The following ADAMTS17 variants were observed in gnomAD, a reference collection of about 807,000 sequenced individuals.
The protein encoded by ADAMTS17 is ADAM metallopeptidase with thrombospondin type 1 motif 17.
A neutral mutation model predicts 141.5 loss-of-function variants in ADAMTS17; 113 were observed. That is an observed-to-expected ratio of 0.80 (90% CI 0.69 to 0.93). ADAMTS17 has a LOEUF of 0.93. ADAMTS17 is among the 40% of genes least tolerant of loss of function. The pLI is 0.00. For missense variants in ADAMTS17, 1,659 were observed against 1,517.9 expected, an observed-to-expected ratio of 1.09 and a Z score of -1.54; for synonymous variants, 768 against 630.6, an observed-to-expected ratio of 1.22 and a Z score of -3.27.
At chr15:100,055,056 G>A (rs1180908267) in intron 15 of ADAMTS17, among the ~76,000 whole-genome samples, 1 of 152,070 alleles carries the variant, frequency 6.6e-6, no homozygotes, top group Non-Finnish European at 1.5e-5. Flanking sequence ...GGAGAAGTCG[G>A]CAGATGACAA....
At chr15:100,329,891 T>C (rs2045998695) in intron 3 of ADAMTS17, among the ~76,000 whole-genome samples, 1 of 152,238 alleles carries the variant, frequency 6.6e-6, no homozygotes, top group Non-Finnish European at 1.5e-5. Flanking sequence ...ACATAATTTA[T>C]TCCCAATGTC....
chr15:100,127,695 C>T (rs559888107), intron 12 of ADAMTS17, among the ~76,000 whole-genome samples: 1 of 152,208 alleles, frequency 6.6e-6, no homozygotes, highest in African/African-American at 2.4e-5. Flanking sequence ...GATTCTCCCG[C>T]CTCAGCCTCC....
chr15:100,198,657 A>C (rs1256554542), intron 8 of ADAMTS17, among the ~76,000 whole-genome samples: 1 of 152,228 alleles, frequency 6.6e-6, no homozygotes, highest in Non-Finnish European at 1.5e-5. Context: ...CTCAGGCCAC[A>C]GTTTGAGCGT....
At chr15:100,001,830 G>A (rs1055490367) in intron 18 of ADAMTS17, among the ~76,000 whole-genome samples, 46 of 151,396 alleles carry the variant, frequency 3.0e-4, no homozygotes, top group Admixed American at 9.9e-4. Context: ...ATAGCCCCCC[G>A]TGGTGGTGTG....
intron 8 of ADAMTS17, among the ~76,000 whole-genome samples, chr15:100,186,094 G>T (rs2040706218): frequency 6.6e-6 from 1 of 152,176 alleles, no homozygotes; most frequent in Non-Finnish European, 1.5e-5. Flanking sequence ...CGATTCAGTG[G>T]AGAAGGGAAG....
At chr15:100,078,599 C>A (rs1169047060) in intron 15 of ADAMTS17, among the ~76,000 whole-genome samples, 4 of 152,096 alleles carry the variant, frequency 2.6e-5, no homozygotes, top group Non-Finnish European at 5.9e-5. Flanking sequence ...AATATCAGAG[C>A]TAAAACTAGA....
chr15:100,333,783 T>C (rs2141966817), intron 2 of ADAMTS17, among the ~76,000 whole-genome samples: 1 of 152,328 alleles, frequency 6.6e-6, no homozygotes, highest in Non-Finnish European at 1.5e-5. Context: ...GTCCCATTGA[T>C]GGCGATGAAG....
intron 17 of ADAMTS17, among the ~76,000 whole-genome samples, chr15:100,049,439 A>T (rs989559498): frequency 1.3e-5 from 2 of 152,180 alleles, no homozygotes; most frequent in African/African-American, 4.8e-5. Flanking sequence ...GAAGTGGGAG[A>T]TGAGGAGTCT....
At position 100,209,843 on chromosome 15, in the gene ADAMTS17, CA is replaced by C. The variant is rs2041732794; in HGVS notation, c.1076-10421del. On this transcript the variant is annotated intron_variant, in intron 7 of 21. Transcript: ENST00000268070. ...CATGCTTATGGAGGCAGCTCATTACCAGTGGGTTACAATGGGTTTCAGAATC... is the reference window on the plus strand; with the variant it reads ...CATGCTTATGGAGGCAGCTCATTACCGTGGGTTACAATGGGTTTCAGAATC... Among the ~76,000 whole-genome samples, 10 of 152,150 alleles carry C rather than the reference CA, an allele frequency of 6.6e-5. 1 individual carries two copies. In the South Asian group the frequency reaches 2.1e-3, roughly 32 times the overall value.
chr15:100,120,867 T>C (rs1156536196), intron 12 of ADAMTS17, among the ~76,000 whole-genome samples: 7 of 152,246 alleles, frequency 4.6e-5, no homozygotes, highest in African/African-American at 9.6e-5. Flanking sequence ...ACAAAATGTA[T>C]TGGCGGAGCC....
chr15:100,163,625 AC>A (rs1251811376), intron 8 of ADAMTS17, among the ~76,000 whole-genome samples: 1 of 152,190 alleles, frequency 6.6e-6, no homozygotes, highest in East Asian at 1.9e-4. Flanking sequence ...AGCTGGGATT[AC>A]AGGTGCACGC....
intron 8 of ADAMTS17, among the ~76,000 whole-genome samples, chr15:100,186,660 A>G (rs750828369): frequency 3.3e-4 from 51 of 152,242 alleles, no homozygotes; most frequent in Non-Finnish European, 5.6e-4. Flanking sequence ...GAGTAAGGTT[A>G]TCCAACTGTT....
Position 100,332,947 on chromosome 15 carries a change from A to T in ADAMTS17, c.451-1893T>A, listed in dbSNP as rs549808747. Among the ~76,000 whole-genome samples, 227 of 152,248 alleles carry T rather than the reference A, an allele frequency of 1.5e-3. 1 individual carries two copies. Among genetic ancestry groups the T allele is most frequent in the African/African-American group, 5.2e-3 (216 of 41,556 alleles). ...CCTCACCCTGGGAACCTGCGTGAGGAAGGGCCCTGCCTCCTCCTCCCTCAC... is the reference window on the plus strand; with the variant it reads ...CCTCACCCTGGGAACCTGCGTGAGGTAGGGCCCTGCCTCCTCCTCCCTCAC... On this transcript the variant is annotated intron_variant, in intron 2 of 21. Transcript: ENST00000268070.
rs1349101779 is a variant in ADAMTS17, at chr15:99,973,775, T to C, written c.*627A>G. On this transcript the variant is annotated 3_prime_UTR_variant, in exon 22 of 22. Transcript: ENST00000268070. ...GCACTGCTGTCCTCGCTGGCATATA[T>C]AGATTTACACTCCACGCACGAGACT... 6 of 170,006 alleles carry C rather than the reference T, an allele frequency of 3.5e-5. No homozygotes were observed. The highest frequency in any genetic ancestry group is 2.7e-4 in the Admixed American group (5 of 18,300). 10.5% of individuals were successfully genotyped at this position (170,006 alleles called of 1,614,324 possible). A position where few individuals can be genotyped will look rare whatever the true frequency, so the allele number is the denominator to read the frequency against.
chr15:100,285,386 A>T (rs2044413787), intron 3 of ADAMTS17, among the ~76,000 whole-genome samples: 1 of 152,222 alleles, frequency 6.6e-6, no homozygotes, highest in Admixed American at 6.5e-5. Flanking sequence ...TAAAAACAAC[A>T]ACTATCTCAA....
chr15:100,104,308 T>C (rs910764722), intron 14 of ADAMTS17, among the ~76,000 whole-genome samples: 1 of 152,196 alleles, frequency 6.6e-6, no homozygotes, highest in African/African-American at 2.4e-5. Context: ...AAATACACAA[T>C]GTTTCTGTTA....
intron 13 of ADAMTS17, among the ~76,000 whole-genome samples, chr15:100,114,324 G>A (rs8035059): frequency 1.8e-4 from 28 of 152,198 alleles, no homozygotes; most frequent in Non-Finnish European, 7.4e-5. Context: ...CCAACCACAG[G>A]AAACGTTCCT....
chr15:100,312,399 C>G (rs777545308), intron 3 of ADAMTS17, among the ~76,000 whole-genome samples: 4 of 152,186 alleles, frequency 2.6e-5, no homozygotes, highest in African/African-American at 9.7e-5. Flanking sequence ...AGATTCTCCC[C>G]TGGAACCTCC....
intron 10 of ADAMTS17, among the ~76,000 whole-genome samples, chr15:100,139,314 T>C (rs968193785): frequency 2.0e-5 from 3 of 152,212 alleles, no homozygotes; most frequent in Non-Finnish European, 2.9e-5. Context: ...AATGTGTAAG[T>C]GAGCAAAGCC....
Sources: gnomAD v4.1 joint callset for allele counts (sites outside exome capture counted in the v4.1 genomes callset) on GRCh38, gnomAD v4.1.1 for gene constraint, MANE v1.5 for transcripts, NCBI Gene and HGNC (gene_info 2026-07-23, HGNC 2026-07-21) for gene names.